PDE10A: variants seen among roughly 807,000 people sequenced by gnomAD.
PDE10A encodes cAMP and cAMP-inhibited cGMP 3',5'-cyclic phosphodiesterase 10A.
In PDE10A, 39 loss-of-function variants were observed where a neutral mutation model predicts 97.7. The observed-to-expected ratio is 0.40, with a 90% CI of 0.31 to 0.52. The LOEUF (loss-of-function observed/expected upper bound fraction) is 0.52, where lower values mean the gene tolerates loss of function less well. PDE10A is among the 20% of genes least tolerant of loss of function. The pLI, the probability that PDE10A is intolerant of heterozygous loss-of-function variation, is 0.56. For missense variants in PDE10A, 731 were observed against 1,047.8 expected (o/e 0.70, Z 4.17); for synonymous variants, 371 against 376.8 (o/e 0.98, Z 0.18).
At chr6:165,428,061 T>C (rs1453675427) in intron 10 of PDE10A, among the ~76,000 whole-genome samples, 1 of 152,104 alleles carries the variant, frequency 6.6e-6, no homozygotes, top group Non-Finnish European at 1.5e-5. Flanking sequence ...AAACTCTTTA[T>C]TGCAGAAGAG....
chr6:165,649,252 A>C (rs1789557489), intron 1 of PDE10A, among the ~76,000 whole-genome samples: 1 of 152,174 alleles, frequency 6.6e-6, no homozygotes, highest in Non-Finnish European at 1.5e-5. Flanking sequence ...AAATAAAACC[A>C]AGCAGCGGAC....
chr6:165,468,969 T>C (rs1433417272), intron 3 of PDE10A, among the ~76,000 whole-genome samples: 1 of 152,228 alleles, frequency 6.6e-6, no homozygotes, highest in Non-Finnish European at 1.5e-5. Flanking sequence ...AGCATAGACT[T>C]GTGGCTGCCA....
At chr6:165,695,742 T>G (rs12191997) in intron 1 of PDE10A, among the ~76,000 whole-genome samples, 32,268 of 152,102 alleles carry the variant, frequency 0.21, 4,187 homozygotes, top group Non-Finnish European at 0.27. Context: ...GATTTGTGCA[T>G]CTACTGTAAA....
In PDE10A at chr6:165,889,350, T is replaced by A. The variant is rs116229239; in HGVS notation, c.-615+98179A>T. ...TTACTTCTACAAAATGCGCTGTTGC[T>A]AGTTGTTTCCCAATCTGCACTCTCA... On this transcript the variant is annotated intron_variant, in intron 1 of 19. Transcript: ENST00000366882. Among the ~76,000 whole-genome samples, 939 of 152,344 alleles carry A rather than the reference T, an allele frequency of 6.2e-3. 8 individuals carry two copies. The highest frequency in any genetic ancestry group is 0.02 in the African/African-American group (830 of 41,576).
chr6:165,506,140 A>C (rs1422253279), intron 2 of PDE10A, among the ~76,000 whole-genome samples: 1 of 152,008 alleles, frequency 6.6e-6, no homozygotes, highest in African/African-American at 2.4e-5. Context: ...TTTTTTCCCC[A>C]CTAAAATGGC....
At chr6:165,609,279 G>A (rs1211910490) in intron 1 of PDE10A, among the ~76,000 whole-genome samples, 1 of 152,194 alleles carries the variant, frequency 6.6e-6, no homozygotes. Flanking sequence ...CTCAGTAGAT[G>A]CAGAAAAGGC....
At chr6:165,561,398 C>T (rs1177455892) in intron 1 of PDE10A, among the ~76,000 whole-genome samples, 1 of 152,056 alleles carries the variant, frequency 6.6e-6, no homozygotes, top group Admixed American at 6.6e-5. Flanking sequence ...CATAAATTAC[C>T]CAGTCTCAGG....
intron 1 of PDE10A, among the ~76,000 whole-genome samples, chr6:165,697,829 G>A (rs927461213): frequency 6.6e-6 from 1 of 152,180 alleles, no homozygotes; most frequent in Non-Finnish European, 1.5e-5. Context: ...CCACAGAACT[G>A]TGCAGTTAAA....
rs1790300234 is a variant in PDE10A, at chr6:165,662,092, G to C, written c.720C>G (p.Gly240=). Residue 240 remains glycine (G), a synonymous_variant, in exon 1 of 22, where the codon GGC becomes GGG. Coordinates refer to ENST00000539869, the MANE Select transcript of PDE10A (RefSeq NM_001385079.1). ...SPGFPGAGPG[G]GGQTPRRPQG... ...GGGGACGCCGCGGAGTTTGGCCGCCGCCGCCTGGGCCGGCGCCGGGGAAGC... is the reference window on the plus strand; with the variant it reads ...GGGGACGCCGCGGAGTTTGGCCGCCCCCGCCTGGGCCGGCGCCGGGGAAGC... The C allele has an allele frequency of 8.6e-7, 1 of 1,164,710 alleles. No individual in the cohort carries two copies. Among genetic ancestry groups the C allele is most frequent in the Non-Finnish European group, 1.1e-6 (1 of 939,634 alleles). The allele number at this position is 1,164,710 out of a possible 1,614,324, so 72.1% of individuals were successfully genotyped here. A position where few individuals can be genotyped will look rare whatever the true frequency, so the allele number is the denominator to read the frequency against.
chr6:165,383,539 C>T (rs962340393), intron 17 of PDE10A, among the ~76,000 whole-genome samples: 12 of 152,112 alleles, frequency 7.9e-5, no homozygotes, highest in African/African-American at 2.9e-4. Flanking sequence ...ACTTTCCTCA[C>T]GTAAAGCTTC....
intron 1 of PDE10A, among the ~76,000 whole-genome samples, chr6:165,854,346 C>A (rs1780654320): frequency 1.3e-5 from 2 of 152,084 alleles, no homozygotes; most frequent in Non-Finnish European, 2.9e-5. Context: ...GGGACTCGAG[C>A]AGGTGGTCCC....
intron 10 of PDE10A, among the ~76,000 whole-genome samples, chr6:165,420,751 A>T (rs932356809): frequency 5.9e-5 from 9 of 152,222 alleles, no homozygotes; most frequent in African/African-American, 2.2e-4. Flanking sequence ...TTCAAAAACT[A>T]TCAAAAAATA....
chr6:165,443,315 T>C (rs929861626), intron 5 of PDE10A, among the ~76,000 whole-genome samples: 4 of 152,034 alleles, frequency 2.6e-5, no homozygotes, highest in Non-Finnish European at 5.9e-5. Flanking sequence ...CAGAACCCAG[T>C]AGGACAGTCA....
At chr6:165,550,269 G>A (rs1363702183) in intron 1 of PDE10A, among the ~76,000 whole-genome samples, 2 of 152,020 alleles carry the variant, frequency 1.3e-5, no homozygotes, top group African/African-American at 4.8e-5. Context: ...AGCTAGGTTA[G>A]GAAAAACCTT....
intron 1 of PDE10A, among the ~76,000 whole-genome samples, chr6:165,743,044 G>A (rs1433054806): frequency 6.6e-6 from 1 of 152,126 alleles, no homozygotes; most frequent in African/African-American, 2.4e-5. Flanking sequence ...AGGCAAGAGT[G>A]GCCTGTAGCA....
chr6:165,673,628 C>T (rs1043869768), intron 1 of PDE10A, among the ~76,000 whole-genome samples: 1 of 152,136 alleles, frequency 6.6e-6, no homozygotes, highest in Non-Finnish European at 1.5e-5. Context: ...TTAGTTTTAG[C>T]GATACATTCT....
At chr6:165,782,901 G>A (rs143177750) in intron 1 of PDE10A, among the ~76,000 whole-genome samples, 25 of 152,264 alleles carry the variant, frequency 1.6e-4, no homozygotes, top group East Asian at 1.2e-3. Context: ...ATGCTGCTGC[G>A]TATGAAGGAA....
chr6:165,609,882 T>G lies in PDE10A; in HGVS notation c.865+52065A>C, dbSNP rs933963566. 2.6e-3 allele frequency among the ~76,000 whole-genome samples: 400 copies of G among 152,284 alleles called. 3 individuals carry two copies. The highest frequency in any genetic ancestry group is 9.3e-3 in the African/African-American group (385 of 41,558). ...GAGGACACAAACAAATGGAAGAACA[T>G]TCCATGCTCATGGATAGGAAGAATC... On this transcript the variant is annotated intron_variant, in intron 1 of 21. Transcript: ENST00000539869.
At position 165,336,104 on chromosome 6, in the gene PDE10A, C is replaced by T. The variant is rs781578747; in HGVS notation, c.3065+19G>A. ...GTTGTTGGAAACAATATTTTTACGG[C>T]TTGAACCATAGTACATACCTGCATG... On this transcript the variant is annotated intron_variant, in intron 21 of 21. Transcript: ENST00000539869. 1.3e-6 allele frequency: 2 copies of T among 1,566,534 alleles called. No homozygotes were observed. The highest frequency in any genetic ancestry group is 1.7e-5 in the Admixed American group (1 of 59,890).
Sources: gnomAD v4.1 joint callset for allele counts (sites outside exome capture counted in the v4.1 genomes callset) on GRCh38, gnomAD v4.1.1 for gene constraint, MANE v1.5 for transcripts, NCBI Gene and HGNC (gene_info 2026-07-23, HGNC 2026-07-21) for gene names.